Variants in BAZ2A observed in about 807,000 individuals in gnomAD.
BAZ2A encodes bromodomain adjacent to zinc finger domain protein 2A.
Under a neutral mutation model 199.9 loss-of-function variants are expected in BAZ2A, and 34 were observed. The observed-to-expected ratio is 0.17, with a 90% CI of 0.13 to 0.23. The LOEUF (loss-of-function observed/expected upper bound fraction) is 0.23. Among genes scored for constraint, BAZ2A ranks in the 10% least tolerant of loss-of-function variants. The pLI is 1.00. For synonymous variants in BAZ2A, 857 were observed against 883.9 expected, an observed-to-expected ratio of 0.97 and a Z score of 0.54; for missense variants, 2,002 against 2,391.1, an observed-to-expected ratio of 0.84 and a Z score of 3.39.
At chr12:56,608,747 A>G (rs1346922166) in intron 10 of BAZ2A, among the ~76,000 whole-genome samples, 1 of 148,762 alleles carries the variant, frequency 6.7e-6, no homozygotes, top group Admixed American at 6.7e-5. Context: ...TTTTGTATTT[A>G]TAGTAGAGAC....
chr12:56,600,884 A>AG, intron 22 of BAZ2A, 52 bp from the exon 23 acceptor site: 2 of 1,611,644 alleles, frequency 1.2e-6, no homozygotes, highest in Non-Finnish European at 1.7e-6. Context: ...TGTCCCTAGC[A>AG]GCAGCTCAAT....
intron 11 of BAZ2A, 102 bp downstream of exon 11, chr12:56,606,531 T>C (rs775292203): frequency 6.9e-5 from 89 of 1,292,586 alleles, no homozygotes; most frequent in Non-Finnish European, 9.3e-5. Flanking sequence ...AATGAAGATA[T>C]GCTGCTACAC....
rs754671018 is a variant in BAZ2A at position 56,603,545 on chromosome 12, C to A, written c.3194G>T (p.Gly1065Val). ...EEEESIAAVP[G>V]RRGRRDGEVD... is the part of the protein sequence containing the mutation. ...CTCTCCATCTCTTCGACCCCTGCGG[C>A]CAGGGACAGCTGCTATAGACTCCTC... Residue 1065 changes from glycine (G) to valine (V), a missense_variant, in exon 17 of 29, where the codon GGC becomes GTC. By Grantham distance (109) the Gly-to-Val change is moderately radical (BLOSUM62 -3). Transcript: ENST00000549884. 3 of 1,613,928 alleles carry A rather than the reference C, an allele frequency of 1.9e-6. No individual in the cohort carries two copies. Among genetic ancestry groups the A allele is most frequent in the Non-Finnish European group, 1.7e-6 (2 of 1,179,912 alleles).
chr12:56,627,670 C>CA (rs1164182494), intron 1 of BAZ2A, among the ~76,000 whole-genome samples: 3 of 150,700 alleles, frequency 2.0e-5, no homozygotes, highest in Non-Finnish European at 4.4e-5. Flanking sequence ...ACAAAAATTA[C>CA]AAAAAATTAG....
rs1885876760 is a variant in BAZ2A at position 56,596,787 on chromosome 12, A to G, written c.*1831T>C. 1 of 152,484 alleles carries G rather than the reference A, an allele frequency of 6.6e-6. No individual in the cohort carries two copies. Among genetic ancestry groups the G allele is most frequent in the Non-Finnish European group, 1.5e-5 (1 of 68,014 alleles). The allele number at this position is 152,484 out of a possible 1,614,324, so 9.4% of individuals were successfully genotyped here. On this transcript the variant is annotated 3_prime_UTR_variant, in exon 29 of 29. Transcript: ENST00000549884. The stretch of plus-strand genomic sequence containing the variant: ...TTAAAAGCAAAAAAAAATCTCAAAT[A>G]AAATTAAAAGTTTTGAGGTTTATCT...
At chr12:56,617,024 A>G (rs1471114576) in intron 2 of BAZ2A, among the ~76,000 whole-genome samples, 1 of 152,160 alleles carries the variant, frequency 6.6e-6, no homozygotes, top group African/African-American at 2.4e-5. Context: ...GGCAATAAAT[A>G]CACTGCAACC....
chr12:56,603,872 G>A (rs1205981642), intron 16 of BAZ2A, among the ~76,000 whole-genome samples, 172 bp from the exon 17 acceptor site: 2 of 152,196 alleles, frequency 1.3e-5, no homozygotes, highest in African/African-American at 2.4e-5. Flanking sequence ...AATCAGCCAG[G>A]TGTGGTGGCA....
At chr12:56,606,385 A>G (rs747211239) in intron 11 of BAZ2A, 73 bp from the exon 12 acceptor site, 1 of 1,562,590 alleles carries the variant, frequency 6.4e-7, no homozygotes, top group African/African-American at 1.4e-5. Context: ...ATTCAAAAAC[A>G]GACAAGGGTG....
At chr12:56,618,808 T>G (rs1950810613) in intron 1 of BAZ2A, among the ~76,000 whole-genome samples, 1 of 151,762 alleles carries the variant, frequency 6.6e-6, no homozygotes, top group Admixed American at 6.6e-5. Flanking sequence ...AGGCAGAGGT[T>G]GCAGTGAGCT....
intron 10 of BAZ2A, 47 bp from the exon 11 acceptor site, chr12:56,606,780 T>G (rs1459134555): frequency 1.3e-6 from 2 of 1,511,480 alleles, no homozygotes; most frequent in Non-Finnish European, 1.8e-6. Context: ...AGGAAGGCAG[T>G]TCTCTAGCAT....
rs1950571595 is a variant in BAZ2A at position 56,611,981 on chromosome 12, G to T, written c.1401C>A (p.Val467=). The change falls in exon 6 of 29, where the codon GTC becomes GTA. Residue 467 remains valine, a synonymous_variant. Coordinates refer to ENST00000549884, the MANE Select transcript of BAZ2A (RefSeq NM_001300905.2). The stretch of plus-strand genomic sequence containing the variant: ...GGAGGACTGCTGAGGAAGCTGGAGA[G>T]ACCACTGAGAAGACTGCTGGAGAGA... ...TVVSPAVFSV[V]SPASSAVLPA... 6.2e-7 allele frequency: 1 copy of T among 1,613,512 alleles called. No individual in the cohort carries two copies. Among genetic ancestry groups the T allele is most frequent in the African/African-American group, 1.3e-5 (1 of 74,890 alleles).
At chr12:56,615,750 G>C in intron 2 of BAZ2A, 143 bp from the exon 3 acceptor site, 1 of 735,868 alleles carries the variant, frequency 1.4e-6, no homozygotes, top group Admixed American at 2.9e-5. Flanking sequence ...TAGTTTTTGG[G>C]TCTCTGGAGA....
At chr12:56,636,116 G>A in intron 1 of BAZ2A, 1 of 1,520,206 alleles carries the variant, frequency 6.6e-7, no homozygotes, top group South Asian at 1.2e-5. Flanking sequence ...CCCCACCCCT[G>A]CTGAGTCAGC....
intron 11 of BAZ2A, 87 bp from the exon 12 acceptor site, chr12:56,606,399 G>A: frequency 6.7e-7 from 1 of 1,494,162 alleles, no homozygotes; most frequent in Admixed American, 1.7e-5. Context: ...AAGGGTGCTG[G>A]GGAGGAGAGG....
Position 56,595,878 on chromosome 12 carries a change from G to GTC in BAZ2A, c.*2738_*2739dup, listed in dbSNP as rs1658960782. 1 of 126,172 alleles carries GTC rather than the reference G, an allele frequency of 7.9e-6. No individual in the cohort carries two copies. Among genetic ancestry groups the GTC allele is most frequent in the Non-Finnish European group, 1.7e-5 (1 of 59,732 alleles). 7.8% of individuals were successfully genotyped at this position (126,172 alleles called of 1,614,324 possible). A position where few individuals can be genotyped will look rare whatever the true frequency, so the allele number is the denominator to read the frequency against. The stretch of plus-strand genomic sequence containing the variant: ...AGCCAGTCATACCTATCCCAACGCC[G>GTC]TCTCCCCCTCAGGTGTGTAGAAGGG... On this transcript the variant is annotated 3_prime_UTR_variant, in exon 29 of 29. Transcript: ENST00000549884.
At chr12:56,630,704 TAGAA>T (rs1284698698), upstream of BAZ2A, 32 of 893,988 alleles carry the variant, frequency 3.6e-5, no homozygotes, top group Middle Eastern at 1.7e-3. Flanking sequence ...AACGTGGAAA[TAGAA>T]AGGTTAGTCA....
upstream of BAZ2A, among the ~76,000 whole-genome samples, chr12:56,637,304 C>T (rs1250702150): frequency 1.3e-5 from 2 of 152,206 alleles, no homozygotes; most frequent in Non-Finnish European, 2.9e-5. Context: ...TCTTCTACCC[C>T]TGCACCTCTC....
intron 10 of BAZ2A, 88 bp from the exon 11 acceptor site, chr12:56,606,821 G>A (rs376656422): frequency 9.5e-7 from 1 of 1,055,524 alleles, no homozygotes; most frequent in South Asian, 1.3e-5. Flanking sequence ...CTCAAAGCTG[G>A]CCTCCCAAGC....
chr12:56,621,187 G>C, intron 1 of BAZ2A: 1 of 985,360 alleles, frequency 1.0e-6, no homozygotes, highest in Non-Finnish European at 1.2e-6. Context: ...TCAATGATGG[G>C]TCACGGTTCA....
Sources: allele counts gnomAD v4.1 joint callset (sites outside exome capture counted in the v4.1 genomes callset), GRCh38; gene constraint gnomAD v4.1.1; transcripts MANE v1.5; gene names NCBI Gene and HGNC (gene_info 2026-07-23, HGNC 2026-07-21).